TSGA10: variants seen among roughly 807,000 people sequenced by gnomAD.
TSGA10 encodes the protein testis specific 10, also known as testis-specific gene 10 protein.
A neutral mutation model predicts 96.6 loss-of-function variants in TSGA10; 43 were observed. The observed-to-expected ratio is 0.44, with a 90% CI of 0.35 to 0.57. TSGA10 has a LOEUF of 0.57. Among genes scored for constraint, TSGA10 ranks in the 20% least tolerant of loss-of-function variants. The probability of loss-of-function intolerance (pLI) is 0.01; values close to 1 mark genes in which losing one functional copy is unlikely to be tolerated. For synonymous variants in TSGA10, 229 were observed against 269.9 expected (o/e 0.85, Z 1.48); for missense variants, 703 against 834.4 (o/e 0.84, Z 1.94).
At chr2:99,066,968 T>C (rs145031627) in intron 15 of TSGA10, among the ~76,000 whole-genome samples, 245 of 152,326 alleles carry the variant, frequency 1.6e-3, no homozygotes, top group African/African-American at 5.7e-3. Context: ...TTCTGGTTTA[T>C]TCTTGACGTT....
In TSGA10 at chr2:99,096,858, G is replaced by C. The variant is rs527430798; in HGVS notation, c.611+7109C>G. Among the ~76,000 whole-genome samples the C allele has an allele frequency of 1.1e-4, 17 of 152,318 alleles. 2 individuals carry two copies. In the East Asian group the frequency reaches 3.3e-3, roughly 29 times the overall value. Reference sequence around the variant, plus strand: ...TTTTCTTAGGGATTTGTAGATTAAAGAGCTAGCAGTAAGTTTGTACTTCAT... The same window carrying C: ...TTTTCTTAGGGATTTGTAGATTAAACAGCTAGCAGTAAGTTTGTACTTCAT... On this transcript the variant is annotated intron_variant, in intron 10 of 20. Transcript: ENST00000393483.
chr2:99,029,062 A>C, intron 17 of TSGA10, among the ~76,000 whole-genome samples: 1 of 152,222 alleles, frequency 6.6e-6, no homozygotes, highest in East Asian at 1.9e-4. Flanking sequence ...GGAAAAGAAA[A>C]GGCCAGAAGG....
At chr2:99,026,849 G>C (rs1032144141) in intron 17 of TSGA10, among the ~76,000 whole-genome samples, 1 of 152,208 alleles carries the variant, frequency 6.6e-6, no homozygotes, top group African/African-American at 2.4e-5. Flanking sequence ...ATACTATACA[G>C]CAGCGGTCCC....
At chr2:99,045,459 C>A (rs1323301131) in intron 16 of TSGA10, among the ~76,000 whole-genome samples, 4 of 152,148 alleles carry the variant, frequency 2.6e-5, no homozygotes, top group African/African-American at 9.7e-5. Context: ...ATTTTCAACG[C>A]AGAATTTCAT....
chr2:99,125,332 C>T (rs1047660098), intron 2 of TSGA10: 17 of 152,166 alleles, frequency 1.1e-4, no homozygotes, highest in Non-Finnish European at 1.8e-4. Flanking sequence ...CTGCTATAAA[C>T]ATTCATAGGC....
intron 1 of TSGA10, among the ~76,000 whole-genome samples, chr2:99,145,884 T>C (rs1354169505): frequency 1.3e-5 from 2 of 152,174 alleles, no homozygotes; most frequent in African/African-American, 2.4e-5. Context: ...ACGCCAGTAA[T>C]CCCAGCACTT....
chr2:99,053,837 A>G (rs2083677726), intron 16 of TSGA10, among the ~76,000 whole-genome samples: 1 of 152,188 alleles, frequency 6.6e-6, no homozygotes, highest in Admixed American at 6.6e-5. Flanking sequence ...AAAAGATGCT[A>G]TATGTTCACC....
At chr2:99,053,094 T>C (rs1573888895) in intron 16 of TSGA10, among the ~76,000 whole-genome samples, 1 of 151,694 alleles carries the variant, frequency 6.6e-6, no homozygotes, top group Non-Finnish European at 1.5e-5. Flanking sequence ...GTATTCCTGA[T>C]AGTTAAGATT....
chr2:99,032,122 A>C (rs956689687), intron 17 of TSGA10, among the ~76,000 whole-genome samples: 2 of 152,120 alleles, frequency 1.3e-5, no homozygotes, highest in East Asian at 3.9e-4. Context: ...GCAGGCTTTA[A>C]GTCAGAATCT....
chr2:99,019,942 C>T (rs181122583), intron 18 of TSGA10, among the ~76,000 whole-genome samples: 2 of 152,102 alleles, frequency 1.3e-5, no homozygotes, highest in African/African-American at 4.8e-5. Context: ...AATGCAAACA[C>T]TAGGTTGCAA....
At chr2:99,018,056 G>A in intron 20 of TSGA10, 144 bp downstream of exon 20, 1 of 651,354 alleles carries the variant, frequency 1.5e-6, no homozygotes, top group Non-Finnish European at 2.3e-6. Context: ...TCAAAATCCT[G>A]TATTTTATAT....
At chr2:99,130,239 CCCA>C (rs536901913) in intron 1 of TSGA10, among the ~76,000 whole-genome samples, 141 of 152,344 alleles carry the variant, frequency 9.3e-4, no homozygotes, top group East Asian at 5.0e-3. Flanking sequence ...AATTTACACT[CCCA>C]CCAACAGTGT....
intron 10 of TSGA10, among the ~76,000 whole-genome samples, chr2:99,094,344 C>T (rs917712343): frequency 2.0e-5 from 3 of 152,066 alleles, no homozygotes; most frequent in Admixed American, 2.0e-4. Flanking sequence ...TTGGCTTAGG[C>T]AGTGACTTTA....
At chr2:99,041,319 T>G (rs917738331) in intron 16 of TSGA10, among the ~76,000 whole-genome samples, 1 of 152,226 alleles carries the variant, frequency 6.6e-6, no homozygotes, top group Non-Finnish European at 1.5e-5. Context: ...ATTAAATTTA[T>G]GTTCAAGTGC....
intron 1 of TSGA10, among the ~76,000 whole-genome samples, chr2:99,127,563 AATTTCCTG>A (rs1333675415): frequency 6.6e-6 from 1 of 152,226 alleles, no homozygotes; most frequent in Non-Finnish European, 1.5e-5. Context: ...ACAAAGAGTG[AATTTCCTG>A]AATATAGAAA....
chr2:99,109,095 A>G, intron 6 of TSGA10, 104 bp from the exon 7 acceptor site: 1 of 915,264 alleles, frequency 1.1e-6, no homozygotes, highest in Non-Finnish European at 1.6e-6. Flanking sequence ...ATAAGACTAT[A>G]TAATGAAAGG....
intron 16 of TSGA10, among the ~76,000 whole-genome samples, chr2:99,041,114 T>C (rs2082143519): frequency 6.6e-6 from 1 of 152,266 alleles, no homozygotes; most frequent in Non-Finnish European, 1.5e-5. Flanking sequence ...TTTTAGGTTA[T>C]TAGCAAATTG....
At chr2:99,035,521 G>A in intron 16 of TSGA10, 82 bp from the exon 17 acceptor site, 1 of 966,774 alleles carries the variant, frequency 1.0e-6, no homozygotes, top group Non-Finnish European at 1.5e-6. Flanking sequence ...AATGAAGTGG[G>A]GCAAATCTAA....
chr2:99,090,047 T>C (rs1247695758), intron 10 of TSGA10, among the ~76,000 whole-genome samples: 1 of 152,204 alleles, frequency 6.6e-6, no homozygotes, highest in Non-Finnish European at 1.5e-5. Flanking sequence ...CAGGTGCTGC[T>C]ATCTATGGCT....
Sources: gnomAD v4.1 joint callset for allele counts (sites outside exome capture counted in the v4.1 genomes callset) on GRCh38, gnomAD v4.1.1 for gene constraint, MANE v1.5 for transcripts, NCBI Gene and HGNC (gene_info 2026-07-23, HGNC 2026-07-21) for gene names.